SCP2: variants seen among roughly 807,000 people sequenced by gnomAD.
SCP2 encodes the protein SCP-2/3-oxoacyl-CoA thiolase.
A neutral mutation model predicts 71.4 loss-of-function variants in SCP2; 48 were observed. That is an observed-to-expected ratio of 0.67 (90% CI 0.53 to 0.86). SCP2 has a LOEUF of 0.86. SCP2 is among the 40% of genes least tolerant of loss of function. SCP2 has a pLI of 0.00. For synonymous variants in SCP2, 220 were observed against 218.1 expected, an observed-to-expected ratio of 1.01 and a Z score of -0.08; for missense variants, 560 against 655.6, an observed-to-expected ratio of 0.85 and a Z score of 1.59.
intron 11 of SCP2, among the ~76,000 whole-genome samples, chr1:53,010,521 C>T (rs539727142): frequency 1.5e-4 from 23 of 152,148 alleles, no homozygotes; most frequent in South Asian, 1.5e-3. Context: ...AGCAAACTGT[C>T]GGAAGGACAG....
At chr1:52,978,150 A>G in intron 8 of SCP2, 67 bp from the exon 9 acceptor site, 1 of 1,486,534 alleles carries the variant, frequency 6.7e-7, no homozygotes. Flanking sequence ...CATAGAAGTA[A>G]CTCCTAGTCT....
intron 6 of SCP2, among the ~76,000 whole-genome samples, chr1:52,967,920 T>A (rs995001949): frequency 1.3e-5 from 2 of 152,154 alleles, no homozygotes; most frequent in Non-Finnish European, 2.9e-5. Flanking sequence ...GATGCAGTTG[T>A]CAGTTTTCCA....
At chr1:52,960,037 G>T (rs536048416) in intron 5 of SCP2, among the ~76,000 whole-genome samples, 1 of 151,628 alleles carries the variant, frequency 6.6e-6, no homozygotes, top group African/African-American at 2.4e-5. Flanking sequence ...GATTACAGGC[G>T]CCTGCCACCA....
chr1:52,946,015 A>G (rs1175047975), intron 2 of SCP2, among the ~76,000 whole-genome samples: 1 of 150,516 alleles, frequency 6.6e-6, no homozygotes, highest in African/African-American at 2.5e-5. Flanking sequence ...TGCAGCCTTG[A>G]CCTCCTGGGC....
chr1:52,988,453 G>C (rs1446949494), intron 11 of SCP2, among the ~76,000 whole-genome samples: 1 of 152,118 alleles, frequency 6.6e-6, no homozygotes, highest in African/African-American at 2.4e-5. Flanking sequence ...GGTTGACATT[G>C]CATGGAAATT....
chr1:53,034,865 G>A (rs80077192), intron 13 of SCP2, among the ~76,000 whole-genome samples: 14,957 of 152,098 alleles, frequency 0.098, 1,458 homozygotes, highest in African/African-American at 0.22. Context: ...CAGCACTTTG[G>A]GAGGCCGAGG....
chr1:52,946,546 G>A (rs989570844), intron 2 of SCP2, among the ~76,000 whole-genome samples: 1 of 152,060 alleles, frequency 6.6e-6, no homozygotes, highest in African/African-American at 2.4e-5. Flanking sequence ...CACCCGTAGA[G>A]TCTCATTGGC....
At position 53,028,160 on chromosome 1, in the gene SCP2, T is replaced by C. The variant is rs142918339; in HGVS notation, c.1338+89T>C. ...CAGGTGTTGCCACGAGGTGGTACAATTGAAAATTTATATCATGTTGTCAAG... is the reference window on the plus strand; with the variant it reads ...CAGGTGTTGCCACGAGGTGGTACAACTGAAAATTTATATCATGTTGTCAAG... On this transcript the variant is annotated intron_variant, in intron 13 of 15. Transcript: ENST00000371514. The C allele has an allele frequency of 8.9e-4, 650 of 732,272 alleles. 8 individuals are homozygous for C. The African/African-American group carries it at 1.0e-2, about 11-fold the overall frequency. 45.4% of individuals were successfully genotyped at this position (732,272 alleles called of 1,614,324 possible).
At chr1:52,981,162 C>A (rs1422508084) in intron 10 of SCP2, among the ~76,000 whole-genome samples, 2 of 152,178 alleles carry the variant, frequency 1.3e-5, no homozygotes, top group Non-Finnish European at 1.5e-5. Flanking sequence ...AAACTCCTGA[C>A]CTCAGGTGAT....
intron 10 of SCP2, among the ~76,000 whole-genome samples, chr1:52,987,691 A>T (rs1275259099): frequency 6.6e-6 from 1 of 152,156 alleles, no homozygotes; most frequent in Non-Finnish European, 1.5e-5. Flanking sequence ...ATTTTGGCAA[A>T]ATTATGCATT....
intron 11 of SCP2, among the ~76,000 whole-genome samples, chr1:53,006,915 A>G (rs1390598809): frequency 1.3e-5 from 2 of 152,212 alleles, no homozygotes; most frequent in Admixed American, 6.5e-5. Flanking sequence ...ACATAGGCTC[A>G]AAATAAAGGG....
chr1:52,989,443 G>C (rs1214446599), intron 11 of SCP2, among the ~76,000 whole-genome samples: 1 of 152,178 alleles, frequency 6.6e-6, no homozygotes, highest in African/African-American at 2.4e-5. Context: ...ATTTTCACCT[G>C]CCTTAACACC....
At chr1:52,945,744 A>AATATATATATAT (rs147167752) in intron 2 of SCP2, among the ~76,000 whole-genome samples, 16 of 145,724 alleles carry the variant, frequency 1.1e-4, no homozygotes, top group Admixed American at 4.1e-4. Context: ...AGTTGTGCAT[A>AATATATATATAT]ATATATATAT....
At position 52,960,514 on chromosome 1, in the gene SCP2, G is replaced by GTATA. The variant is rs1557561922; in HGVS notation, c.397-988_397-987insATAT. Among the ~76,000 whole-genome samples, 65 of 130,162 alleles carry GTATA rather than the reference G, an allele frequency of 5.0e-4. No individual in the cohort carries two copies. In the East Asian group the frequency reaches 0.014, roughly 28 times the overall value. The allele number at this position is 130,162 out of a possible 152,430, so 85.4% of individuals were successfully genotyped here. ...TGTGTGTGTGTGTGTGTGTGTGTGT[G>GTATA]TGTGTATATGTGTGTATATATATGT... is the stretch of plus-strand genomic sequence containing the variant. On this transcript the variant is annotated intron_variant, in intron 5 of 15. Coordinates refer to ENST00000371514, the MANE Select transcript of SCP2 (RefSeq NM_002979.5).
intron 15 of SCP2, 106 bp from the exon 16 acceptor site, chr1:53,050,503 C>T (rs1290194620): frequency 1.9e-5 from 14 of 742,362 alleles, no homozygotes; most frequent in Middle Eastern, 4.7e-4. Flanking sequence ...TAGAGAAAGT[C>T]ATGTGACCTG....
At chr1:53,007,922 T>C (rs1475931156) in intron 11 of SCP2, among the ~76,000 whole-genome samples, 1 of 150,794 alleles carries the variant, frequency 6.6e-6, no homozygotes, top group Non-Finnish European at 1.5e-5. Context: ...ATCAAATAGA[T>C]GCAATAAAAA....
At chr1:53,008,471 C>T (rs1660774215) in intron 11 of SCP2, among the ~76,000 whole-genome samples, 1 of 152,168 alleles carries the variant, frequency 6.6e-6, no homozygotes, top group Non-Finnish European at 1.5e-5. Flanking sequence ...AAGGCTGGTT[C>T]AACATATGCA....
At chr1:53,001,872 T>C (rs1304673481) in intron 11 of SCP2, among the ~76,000 whole-genome samples, 1 of 152,340 alleles carries the variant, frequency 6.6e-6, no homozygotes, top group East Asian at 1.9e-4. Flanking sequence ...TTATCATTAT[T>C]TATAGGCTTT....
At chr1:52,948,470 C>T (rs966299024) in intron 3 of SCP2, among the ~76,000 whole-genome samples, 5 of 151,960 alleles carry the variant, frequency 3.3e-5, no homozygotes, top group African/African-American at 1.2e-4. Flanking sequence ...CGGTGAAACC[C>T]TTCCTCTACT....
Sources: allele counts gnomAD v4.1 joint callset (sites outside exome capture counted in the v4.1 genomes callset), GRCh38; gene constraint gnomAD v4.1.1; transcripts MANE v1.5; gene names NCBI Gene and HGNC (gene_info 2026-07-23, HGNC 2026-07-21).